The following AFF3 variants were observed in gnomAD, a reference collection of about 807,000 sequenced individuals.
AFF3 encodes the protein AF4/FMR2 family member 3.
In AFF3, 32 loss-of-function variants were observed where a neutral mutation model predicts 129.7. The ratio of observed to expected loss-of-function variants is 0.25; its 90% CI spans 0.19 to 0.33. The LOEUF is 0.33. Among genes scored for constraint, AFF3 ranks in the 10% least tolerant of loss-of-function variants. AFF3 has a pLI of 1.00. For synonymous variants in AFF3, 644 were observed against 635.4 expected (o/e 1.01, Z -0.20); for missense variants, 1,373 against 1,592.0 (o/e 0.86, Z 2.34).
intron 11 of AFF3, among the ~76,000 whole-genome samples, chr2:99,677,566 C>T (rs964709732): frequency 1.3e-5 from 2 of 152,082 alleles, no homozygotes; most frequent in Non-Finnish European, 2.9e-5. Context: ...GACAAGGAGT[C>T]GAAGGGTTAT....
In AFF3 at chr2:99,583,091, C is replaced by T. The variant is rs79818664; in HGVS notation, c.2592-92G>A. 2.2e-3 allele frequency: 2,509 copies of T among 1,155,136 alleles called. 33 individuals are homozygous for T. In the African/African-American group the frequency reaches 0.034, roughly 16 times the overall value. 71.6% of individuals were successfully genotyped at this position (1,155,136 alleles called of 1,614,324 possible). On this transcript the variant is annotated intron_variant, in intron 16 of 24. Coordinates refer to ENST00000672756, the MANE Select transcript of AFF3 (RefSeq NM_001386135.1). ...ATGACCCAAACCACCCAACTGGGAC[C>T]TGTTGGTAGGAGAAGCTTATTGGGA...
intron 7 of AFF3, among the ~76,000 whole-genome samples, chr2:99,981,085 G>A (rs1394658939): frequency 3.9e-5 from 6 of 152,042 alleles, no homozygotes; most frequent in South Asian, 2.1e-4. Context: ...GCGTGATCTC[G>A]GCTCACTGCT....
chr2:99,808,882 A>T (rs1686564704), intron 8 of AFF3, among the ~76,000 whole-genome samples: 1 of 152,220 alleles, frequency 6.6e-6, no homozygotes, highest in South Asian at 2.1e-4. Flanking sequence ...TTAAACAATC[A>T]TGTGTTTTTG....
At chr2:99,872,716 G>C (rs556667548) in intron 7 of AFF3, among the ~76,000 whole-genome samples, 1 of 151,686 alleles carries the variant, frequency 6.6e-6, no homozygotes, top group Non-Finnish European at 1.5e-5. Context: ...ATCATGCATC[G>C]GTCATTTAGA....
chr2:100,072,790 C>G (rs555946789), intron 4 of AFF3, among the ~76,000 whole-genome samples: 1 of 152,172 alleles, frequency 6.6e-6, no homozygotes, highest in African/African-American at 2.4e-5. Flanking sequence ...CCAAAATAAC[C>G]TCATTGCTGT....
intron 14 of AFF3, among the ~76,000 whole-genome samples, chr2:99,600,929 C>A (rs1373187052): frequency 6.6e-6 from 1 of 152,092 alleles, no homozygotes; most frequent in Non-Finnish European, 1.5e-5. Context: ...TCTATTTTCA[C>A]AAAGAAAACA....
chr2:99,611,072 A>G (rs1257401681), intron 13 of AFF3, among the ~76,000 whole-genome samples: 1 of 151,954 alleles, frequency 6.6e-6, no homozygotes, highest in East Asian at 1.9e-4. Context: ...TGTTCTCTTC[A>G]TTCTGCGGTT....
chr2:99,810,598 G>C (rs915567498), intron 8 of AFF3, among the ~76,000 whole-genome samples: 1 of 152,188 alleles, frequency 6.6e-6, no homozygotes, highest in African/African-American at 2.4e-5. Context: ...TTTTAAAGTA[G>C]TATCTGAAAT....
chr2:99,965,255 G>A (rs896254689), intron 7 of AFF3, among the ~76,000 whole-genome samples: 7 of 152,196 alleles, frequency 4.6e-5, no homozygotes, highest in Non-Finnish European at 7.3e-5. Context: ...TCAGAAGGAT[G>A]GTTGAAGAAA....
At chr2:99,828,192 GT>G (rs1688240130) in intron 8 of AFF3, among the ~76,000 whole-genome samples, 1 of 152,188 alleles carries the variant, frequency 6.6e-6, no homozygotes, top group African/African-American at 2.4e-5. Flanking sequence ...TGTCTTAAAG[GT>G]TCCTGAGGGG....
intron 7 of AFF3, among the ~76,000 whole-genome samples, chr2:99,838,937 T>C (rs1028064323): frequency 2.0e-5 from 3 of 152,160 alleles, no homozygotes; most frequent in Non-Finnish European, 2.9e-5. Flanking sequence ...TACCCTTCAC[T>C]TGAGTTAGGC....
chr2:99,561,913 A>C (rs529533975), intron 20 of AFF3, among the ~76,000 whole-genome samples: 1 of 152,186 alleles, frequency 6.6e-6, no homozygotes, highest in Non-Finnish European at 1.5e-5. Context: ...ATTTCCCTTC[A>C]TTCTTGAAGA....
intron 8 of AFF3, among the ~76,000 whole-genome samples, chr2:99,757,235 C>T (rs1682187747): frequency 6.6e-6 from 1 of 152,156 alleles, no homozygotes; most frequent in Admixed American, 6.5e-5. Flanking sequence ...CCAGGTCTAA[C>T]GTGCCCACTC....
At chr2:99,794,236 C>T (rs1685412178) in intron 8 of AFF3, among the ~76,000 whole-genome samples, 1 of 152,198 alleles carries the variant, frequency 6.6e-6, no homozygotes, top group African/African-American at 2.4e-5. Context: ...GGAATGGATG[C>T]TTAACATTTT....
In AFF3 at chr2:99,920,768, T is replaced by A. The variant is rs1172029667; in HGVS notation, c.874-83244A>T. 2.0e-5 allele frequency among the ~76,000 whole-genome samples: 3 copies of A among 151,970 alleles called. No homozygotes were observed. The East Asian group carries it at 5.8e-4, about 29-fold the overall frequency. ...AGAAGTGAAACTCTATTATTCATCATGTGTATGTAAAAAATCTGAAAAAAT... is the reference window on the plus strand; with the variant it reads ...AGAAGTGAAACTCTATTATTCATCAAGTGTATGTAAAAAATCTGAAAAAAT... On this transcript the variant is annotated intron_variant, in intron 7 of 24. Transcript: ENST00000672756.
chr2:99,722,621 G>A (rs1402939999), intron 11 of AFF3, among the ~76,000 whole-genome samples: 1 of 152,212 alleles, frequency 6.6e-6, no homozygotes, highest in Non-Finnish European at 1.5e-5. Flanking sequence ...GCTGTAGGCA[G>A]TAGGCAGCAG....
chr2:99,880,911 C>T (rs1440624298), intron 7 of AFF3, among the ~76,000 whole-genome samples: 1 of 152,154 alleles, frequency 6.6e-6, no homozygotes, highest in Non-Finnish European at 1.5e-5. Flanking sequence ...GAAAATTCCC[C>T]TTCTGTCTAC....
At chr2:100,053,229 T>G (rs978189938) in intron 4 of AFF3, among the ~76,000 whole-genome samples, 1 of 152,266 alleles carries the variant, frequency 6.6e-6, no homozygotes, top group Non-Finnish European at 1.5e-5. Flanking sequence ...ACACTTGAAC[T>G]GTGTTGGGTG....
At chr2:99,897,838 T>A (rs1301099526) in intron 7 of AFF3, among the ~76,000 whole-genome samples, 1 of 152,156 alleles carries the variant, frequency 6.6e-6, no homozygotes, top group Non-Finnish European at 1.5e-5. Context: ...TGAATTGAAA[T>A]ACGTAGTTGA....
Sources: gnomAD v4.1 joint callset for allele counts (sites outside exome capture counted in the v4.1 genomes callset) on GRCh38, gnomAD v4.1.1 for gene constraint, MANE v1.5 for transcripts, NCBI Gene and HGNC (gene_info 2026-07-23, HGNC 2026-07-21) for gene names.